The following PLXNA4 variants were observed in gnomAD, a reference collection of about 807,000 sequenced individuals.
PLXNA4 encodes plexin A4, also known as plexin-A4.
A neutral mutation model predicts 191.8 loss-of-function variants in PLXNA4; 44 were observed. The observed-to-expected ratio is 0.23, with a 90% CI of 0.18 to 0.29. The LOEUF is 0.29. Ranked by LOEUF, PLXNA4 falls within the 10% of genes least tolerant of loss-of-function variation. The pLI is 1.00. For missense variants in PLXNA4, 1,800 were observed against 2,488.8 expected (o/e 0.72, Z 5.89); for synonymous variants, 1,082 against 1,009.5 (o/e 1.07, Z -1.36).
At chr7:132,473,400 G>T (rs1002123148) in intron 3 of PLXNA4, among the ~76,000 whole-genome samples, 1 of 152,180 alleles carries the variant, frequency 6.6e-6, no homozygotes, top group Non-Finnish European at 1.5e-5. Context: ...TCCCAGGAGG[G>T]CAGTGGCGGC....
chr7:132,427,700 AT>A (rs1795100980), intron 3 of PLXNA4, among the ~76,000 whole-genome samples: 2 of 152,134 alleles, frequency 1.3e-5, no homozygotes, highest in South Asian at 4.1e-4. Context: ...TGTCCCTGTG[AT>A]CTTGGAGAGT....
intron 20 of PLXNA4, among the ~76,000 whole-genome samples, chr7:132,176,529 T>A (rs1254006483): frequency 6.6e-6 from 1 of 152,064 alleles, no homozygotes; most frequent in Non-Finnish European, 1.5e-5. Context: ...GGAGTGTATG[T>A]GAGTGTGTGA....
At chr7:132,242,580 TAC>T (rs1450735317) in intron 4 of PLXNA4, among the ~76,000 whole-genome samples, 3 of 152,290 alleles carry the variant, frequency 2.0e-5, no homozygotes, top group Admixed American at 6.5e-5. Flanking sequence ...TTCTCCAAAG[TAC>T]ACACTGAGCG....
chr7:132,253,913 GT>G (rs1799342754), intron 4 of PLXNA4, among the ~76,000 whole-genome samples: 1 of 152,206 alleles, frequency 6.6e-6, no homozygotes, highest in African/African-American at 2.4e-5. Context: ...GTGTGCATCA[GT>G]TTAGTTTCCA....
chr7:132,643,908 C>T (rs903458627), intron 2 of PLXNA4, among the ~76,000 whole-genome samples: 3 of 151,936 alleles, frequency 2.0e-5, no homozygotes, highest in Non-Finnish European at 2.9e-5. Context: ...TCTAAGATCG[C>T]ACCACTACAC....
chr7:132,358,924 G>A (rs1336835988), intron 3 of PLXNA4, among the ~76,000 whole-genome samples: 1 of 152,104 alleles, frequency 6.6e-6, no homozygotes, highest in East Asian at 1.9e-4. Flanking sequence ...GCTACATAAG[G>A]GGCACTTGAT....
intron 17 of PLXNA4, 38 bp downstream of exon 17, chr7:132,182,059 T>C: frequency 6.2e-7 from 1 of 1,613,990 alleles, no homozygotes; most frequent in Non-Finnish European, 8.5e-7. Context: ...ACGTGTTGCA[T>C]GGGCAGCCTC....
intron 31 of PLXNA4, among the ~76,000 whole-genome samples, chr7:132,132,428 TTCTGTTC>T (rs1794967041): frequency 3.6e-5 from 3 of 82,378 alleles, no homozygotes; most frequent in Admixed American, 1.7e-4. Flanking sequence ...TTCTGTTCTG[TTCTGTTC>T]TGTTCTGTTC....
At chr7:132,143,716 C>T (rs1168041357) in intron 29 of PLXNA4, among the ~76,000 whole-genome samples, 1 of 152,212 alleles carries the variant, frequency 6.6e-6, no homozygotes, top group Non-Finnish European at 1.5e-5. Context: ...AAGGCAGGTC[C>T]TGGGAGATAT....
intron 1 of PLXNA4, among the ~76,000 whole-genome samples, chr7:132,513,633 G>A (rs895390372): frequency 1.4e-5 from 2 of 144,946 alleles, no homozygotes; most frequent in Non-Finnish European, 3.1e-5. Flanking sequence ...CATGAATTAG[G>A]TGAGTCACAG....
At chr7:132,265,192 G>A (rs1159734924) in intron 4 of PLXNA4, among the ~76,000 whole-genome samples, 2 of 152,178 alleles carry the variant, frequency 1.3e-5, no homozygotes, top group Non-Finnish European at 2.9e-5. Flanking sequence ...GAGAAACTCT[G>A]GGTGTTGAGT....
chr7:132,377,996 C>T (rs1804732277), intron 3 of PLXNA4, among the ~76,000 whole-genome samples: 1 of 152,172 alleles, frequency 6.6e-6, no homozygotes, highest in South Asian at 2.1e-4. Flanking sequence ...CTTCTGCTGA[C>T]ATAGCACTGT....
intron 3 of PLXNA4, among the ~76,000 whole-genome samples, chr7:132,395,445 G>A (rs1292149676): frequency 6.6e-6 from 1 of 152,226 alleles, no homozygotes; most frequent in Non-Finnish European, 1.5e-5. Context: ...GTCCTGCTGA[G>A]AGAGGGTGTC....
chr7:132,560,543 G>A (rs919776986), intron 1 of PLXNA4, among the ~76,000 whole-genome samples: 1 of 152,150 alleles, frequency 6.6e-6, no homozygotes, highest in African/African-American at 2.4e-5. Context: ...GGGTCCAGAA[G>A]TAAACAGCAC....
chr7:132,179,620 A>ATGCACACACATATGCACACAGG, intron 20 of PLXNA4, 67 bp downstream of exon 20: 1 of 1,570,040 alleles, frequency 6.4e-7, no homozygotes, highest in South Asian at 1.2e-5. Context: ...ACATACACAG[A>ATGCACACACATATGCACACAGG]TGTGCATGCA....
At chr7:132,318,035 G>T (rs1584984672) in intron 3 of PLXNA4, among the ~76,000 whole-genome samples, 1 of 152,224 alleles carries the variant, frequency 6.6e-6, no homozygotes, top group South Asian at 2.1e-4. Context: ...GAAGACCCGA[G>T]TAACCCGGTC....
chr7:132,447,194 T>A (rs983143702), intron 3 of PLXNA4, among the ~76,000 whole-genome samples: 4 of 152,156 alleles, frequency 2.6e-5, no homozygotes, highest in Non-Finnish European at 5.9e-5. Flanking sequence ...GAGCCCAGAA[T>A]GGAATAGCGC....
chr7:132,482,270 G>T (rs964096005), intron 3 of PLXNA4, among the ~76,000 whole-genome samples: 1 of 152,182 alleles, frequency 6.6e-6, no homozygotes, highest in African/African-American at 2.4e-5. Flanking sequence ...AAAAGACAAT[G>T]GCTTGCACCT....
Position 132,489,371 on chromosome 7 carries a change from C to T in PLXNA4, c.1292G>A (p.Arg431His), listed in dbSNP as rs944457792. 5.0e-6 allele frequency: 8 copies of T among 1,606,558 alleles called. No individual in the cohort carries two copies. The highest frequency in any genetic ancestry group is 2.2e-5 in the East Asian group (1 of 44,604). Residue 431 changes from arginine (R) to histidine (H), a missense_variant, in exon 3 of 32, where the codon CGC (arginine) becomes CAC (histidine). Around this residue, in one of 6 missense-constraint regions of PLXNA4, gnomAD observed 1,397 missense variants for 1,880.4 expected, o/e 0.74. Transcript: ENST00000321063. Reference protein sequence around the residue: ...GIPVFTEDRDRMTSVIAYVYK... With the variant: ...GIPVFTEDRDHMTSVIAYVYK... Reference sequence around the variant, plus strand: ...GACATATGCGATGACAGACGTCATGCGGTCCCTGTCCTCCGTGAAGACGGG... The same window carrying T: ...GACATATGCGATGACAGACGTCATGTGGTCCCTGTCCTCCGTGAAGACGGG...
Sources: allele counts gnomAD v4.1 joint callset (sites outside exome capture counted in the v4.1 genomes callset), GRCh38; gene constraint gnomAD v4.1.1; regional missense constraint gnomAD v4.1.1; transcripts MANE v1.5; gene names NCBI Gene and HGNC (gene_info 2026-07-23, HGNC 2026-07-21).